ATP11A: variants seen among roughly 807,000 people sequenced by gnomAD.
ATP11A encodes the protein ATPase phospholipid transporting 11A, also known as phospholipid-transporting ATPase IH.
ATP11A carries 81 observed loss-of-function variants against 154.4 expected under a neutral mutation model. The observed-to-expected ratio is 0.52, with a 90% confidence interval of 0.44 to 0.63. The LOEUF (loss-of-function observed/expected upper bound fraction) is 0.63, where lower values mean the gene tolerates loss of function less well. Ranked by LOEUF, ATP11A falls within the 30% of genes least tolerant of loss-of-function variation. ATP11A has a pLI of 0.00. For synonymous variants in ATP11A, 623 were observed against 585.9 expected, an observed-to-expected ratio of 1.06 and a Z score of -0.91; for missense variants, 1,316 against 1,474.3, an observed-to-expected ratio of 0.89 and a Z score of 1.76.
intron 25 of ATP11A, among the ~76,000 whole-genome samples, chr13:112,871,105 C>T (rs376937936): frequency 2.6e-5 from 4 of 152,196 alleles, no homozygotes; most frequent in East Asian, 1.9e-4. Context: ...GGAGGTTCCC[C>T]GAGGGAAGCC....
intron 2 of ATP11A, among the ~76,000 whole-genome samples, chr13:112,793,517 TAAC>T (rs2077916986): frequency 6.6e-6 from 1 of 152,202 alleles, no homozygotes; most frequent in South Asian, 2.1e-4. Flanking sequence ...GCACGTTTCT[TAAC>T]AGCCCCTCTG....
intron 25 of ATP11A, among the ~76,000 whole-genome samples, chr13:112,869,173 C>T (rs373610433): frequency 2.0e-5 from 3 of 152,230 alleles, no homozygotes; most frequent in East Asian, 1.9e-4. Context: ...TCCAGAGATG[C>T]GTTTCAGGAT....
chr13:112,808,591 G>T (rs1309371577), intron 4 of ATP11A, among the ~76,000 whole-genome samples: 2 of 151,998 alleles, frequency 1.3e-5, no homozygotes, highest in African/African-American at 4.8e-5. Context: ...CTCCAGCAGG[G>T]CTGTTTGTGC....
intron 4 of ATP11A, among the ~76,000 whole-genome samples, chr13:112,806,586 C>T (rs2078328536): frequency 6.6e-6 from 1 of 152,160 alleles, no homozygotes; most frequent in Non-Finnish European, 1.5e-5. Context: ...TTTCTGTATC[C>T]TTGACTGTCT....
chr13:112,770,263 A>G (rs1425042461), intron 1 of ATP11A, among the ~76,000 whole-genome samples: 1 of 152,214 alleles, frequency 6.6e-6, no homozygotes, highest in Non-Finnish European at 1.5e-5. Context: ...CACATTTCCC[A>G]GGTCGACTGT....
Position 112,753,281 on chromosome 13 carries a change from C to A in ATP11A, c.40-31854C>A, listed in dbSNP as rs908156187. On this transcript the variant is annotated intron_variant, in intron 1 of 29. Transcript: ENST00000375645. This position sits in a 1 kb window ranked among gnomAD's most constrained non-coding sequence, Gnocchi z 4.1. ...TGGACAGCTGGGCTCCAATCTTCTGCTTTTATAAATAGTGCTGCAGATGCC... is the reference window on the plus strand; with the variant it reads ...TGGACAGCTGGGCTCCAATCTTCTGATTTTATAAATAGTGCTGCAGATGCC... Among the ~76,000 whole-genome samples, 1 of 152,228 alleles carries A rather than the reference C, an allele frequency of 6.6e-6. No homozygotes were observed. The highest frequency in any genetic ancestry group is 1.5e-5 in the Non-Finnish European group (1 of 68,044).
At chr13:112,766,360 A>T (rs1244030147) in intron 1 of ATP11A, among the ~76,000 whole-genome samples, 1 of 152,216 alleles carries the variant, frequency 6.6e-6, no homozygotes, top group African/African-American at 2.4e-5. Flanking sequence ...ACCAGAAACA[A>T]AAAGTAAGAA....
At chr13:112,701,319 T>A (rs1375848613) in intron 1 of ATP11A, among the ~76,000 whole-genome samples, 2 of 152,232 alleles carry the variant, frequency 1.3e-5, no homozygotes, top group African/African-American at 4.8e-5. Flanking sequence ...CTTCCAGGCA[T>A]CTCGGCAGTG....
Position 112,835,491 on chromosome 13 carries a change from C to T in ATP11A, c.1632-687C>T, listed in dbSNP as rs572769603. Among the ~76,000 whole-genome samples the T allele has an allele frequency of 1.8e-3, 273 of 152,348 alleles. 1 individual carries two copies. Among genetic ancestry groups the T allele is most frequent in the African/African-American group, 6.3e-3 (260 of 41,590 alleles). ...ACAGCACCCTGGGCTTCCCGGGGGC[C>T]GCAACTCACTGCCGTTGAGGCTCCG... On this transcript the variant is annotated intron_variant, in intron 15 of 29. Transcript: ENST00000375645.
rs1330784108 is a variant in ATP11A, at chr13:112,819,293, T to A, written c.571-11T>A. ...TTTGGCGGTGAGCTCACATGTCTTGTGCATTTGTAGACGCATTACGCGGTC... is the reference window on the plus strand; with the variant it reads ...TTTGGCGGTGAGCTCACATGTCTTGAGCATTTGTAGACGCATTACGCGGTC... On this transcript the variant is annotated splice_polypyrimidine_tract_variant and intron_variant, in intron 6 of 29. Transcript: ENST00000375645. 1 of 1,613,628 alleles carries A rather than the reference T, an allele frequency of 6.2e-7. No individual in the cohort carries two copies. The highest frequency in any genetic ancestry group is 2.2e-5 in the East Asian group (1 of 44,880).
intron 1 of ATP11A, among the ~76,000 whole-genome samples, chr13:112,768,218 T>A (rs1217153592): frequency 6.6e-6 from 1 of 152,232 alleles, no homozygotes; most frequent in East Asian, 1.9e-4. Context: ...ATGAGCTACA[T>A]GGGACACAAG....
chr13:112,834,795 C>G (rs2079188272), intron 15 of ATP11A, 135 bp downstream of exon 15: 1 of 669,224 alleles, frequency 1.5e-6, no homozygotes, highest in South Asian at 1.9e-5. Context: ...CCCAGTGACA[C>G]CCCAGGAATG....
intron 1 of ATP11A, among the ~76,000 whole-genome samples, chr13:112,741,893 C>T (rs1478882664): frequency 6.6e-6 from 1 of 152,144 alleles, no homozygotes; most frequent in Non-Finnish European, 1.5e-5. Context: ...CCAAAGATTG[C>T]TCCTCTTCCC....
chr13:112,708,990 G>A (rs541631257), intron 1 of ATP11A, among the ~76,000 whole-genome samples: 1 of 152,308 alleles, frequency 6.6e-6, no homozygotes, highest in South Asian at 2.1e-4. Context: ...GACTCCGGGA[G>A]GGATGGGTGT....
chr13:112,774,708 T>C (rs960228106), intron 1 of ATP11A, among the ~76,000 whole-genome samples: 2 of 152,210 alleles, frequency 1.3e-5, no homozygotes, highest in Admixed American at 1.3e-4. Flanking sequence ...CCGGACTGCA[T>C]GGTGACTTAC....
chr13:112,715,104 C>T (rs563773499), intron 1 of ATP11A, among the ~76,000 whole-genome samples: 5 of 152,310 alleles, frequency 3.3e-5, no homozygotes, highest in South Asian at 4.1e-4. Context: ...ATGACTCCGC[C>T]GTTCCTTTGC....
intron 5 of ATP11A, among the ~76,000 whole-genome samples, chr13:112,812,364 C>T (rs898499612): frequency 6.6e-6 from 1 of 152,224 alleles, no homozygotes. Context: ...CCAACTCCCA[C>T]GCCTCCCTCC....
chr13:112,765,393 G>T (rs1437580995), intron 1 of ATP11A, among the ~76,000 whole-genome samples: 1 of 152,220 alleles, frequency 6.6e-6, no homozygotes, highest in Non-Finnish European at 1.5e-5. Flanking sequence ...GGTCTCGCTG[G>T]TGCAGCCTCC....
chr13:112,738,755 G>T (rs1288697339), intron 1 of ATP11A, among the ~76,000 whole-genome samples: 1 of 133,496 alleles, frequency 7.5e-6, no homozygotes, highest in Non-Finnish European at 1.6e-5. Flanking sequence ...GCCGTCAGCC[G>T]TGTTGTTTTG....
Sources: allele counts gnomAD v4.1 joint callset (sites outside exome capture counted in the v4.1 genomes callset), GRCh38; gene constraint gnomAD v4.1.1; non-coding constraint Gnocchi (gnomAD v3.1); transcripts MANE v1.5; gene names NCBI Gene and HGNC (gene_info 2026-07-23, HGNC 2026-07-21).